COL22A1: variants seen among roughly 807,000 people sequenced by gnomAD.
COL22A1 encodes collagen type XXII alpha 1 chain, also known as collagen alpha-1(XXII) chain.
A neutral mutation model predicts 248.9 loss-of-function variants in COL22A1; 221 were observed. The observed-to-expected ratio is 0.89, with a 90% CI of 0.80 to 0.99. COL22A1 has a LOEUF of 0.99. COL22A1 is among the 50% of genes least tolerant of loss of function. The pLI, the probability that COL22A1 is intolerant of heterozygous loss-of-function variation, is 0.00. For missense variants in COL22A1, 2,240 were observed against 2,179.0 expected (o/e 1.03, Z -0.56); for synonymous variants, 891 against 793.4 (o/e 1.12, Z -2.07).
intron 51 of COL22A1, 60 bp from the exon 52 acceptor site, chr8:138,623,845 G>A (rs371045677): frequency 1.3e-5 from 19 of 1,495,866 alleles, no homozygotes; most frequent in South Asian, 4.9e-5. Context: ...ATGGAAAGAC[G>A]AAGGCAGTTT....
intron 22 of COL22A1, among the ~76,000 whole-genome samples, chr8:138,741,724 A>G (rs571691458): frequency 2.0e-5 from 3 of 152,230 alleles, no homozygotes; most frequent in Non-Finnish European, 4.4e-5. Context: ...CTGGTTTCAA[A>G]ATTCAACCAC....
At chr8:138,600,197 C>A (rs894733379) in intron 60 of COL22A1, among the ~76,000 whole-genome samples, 5 of 152,176 alleles carry the variant, frequency 3.3e-5, no homozygotes, top group Non-Finnish European at 7.3e-5. Flanking sequence ...TGTGTTTGAC[C>A]AGCAAGTTCA....
rs569195834 is a variant in COL22A1 at position 138,824,224 on chromosome 8, G to C, written c.969+2434C>G. Among the ~76,000 whole-genome samples, 15 of 152,244 alleles carry C rather than the reference G, an allele frequency of 9.9e-5. No homozygotes were observed. The South Asian group carries it at 2.3e-3, about 23-fold the overall frequency. ...TGTCCCTGAACCTTCAGAGCTTCCT[G>C]GGGACATGACTTTCCCATGTTTCTG... On this transcript the variant is annotated intron_variant, in intron 6 of 64. Transcript: ENST00000303045.
At chr8:138,909,139 G>T (rs4736053) in intron 1 of COL22A1, among the ~76,000 whole-genome samples, 44,874 of 151,996 alleles carry the variant, frequency 0.3, 7,006 homozygotes, top group African/African-American at 0.41. Context: ...AACGAAGCTT[G>T]TGGCTGTTTT....
intron 15 of COL22A1, among the ~76,000 whole-genome samples, chr8:138,776,302 C>A (rs967459833): frequency 6.6e-6 from 1 of 152,184 alleles, no homozygotes; most frequent in Admixed American, 6.5e-5. Context: ...CATAGCCCGG[C>A]TCCTGAACTC....
At chr8:138,650,584 T>G (rs942335983) in intron 45 of COL22A1, among the ~76,000 whole-genome samples, 3 of 152,038 alleles carry the variant, frequency 2.0e-5, no homozygotes, top group Non-Finnish European at 4.4e-5. Context: ...TCTCTAATCC[T>G]CCCTCTCATC....
chr8:138,864,848 A>G (rs1332630472), intron 3 of COL22A1, among the ~76,000 whole-genome samples: 3 of 152,180 alleles, frequency 2.0e-5, no homozygotes, highest in Non-Finnish European at 4.4e-5. Context: ...ATGTCTTTCT[A>G]TTCCCCAGAT....
chr8:138,751,530 G>A lies in COL22A1; in HGVS notation c.2032-19C>T, dbSNP rs372897594. The stretch of plus-strand genomic sequence containing the variant: ...TTGGACCCTTTAGGAGGGAGAAAAA[G>A]GAAAAAGAGAGAGAAACATAATGGT... On this transcript the variant is annotated intron_variant, in intron 21 of 64. Coordinates refer to ENST00000303045, the MANE Select transcript of COL22A1 (RefSeq NM_152888.3). The A allele has an allele frequency of 1.4e-5, 23 of 1,587,694 alleles. No homozygotes were observed. The highest frequency in any genetic ancestry group is 2.0e-5 in the Non-Finnish European group (23 of 1,162,738).
intron 22 of COL22A1, among the ~76,000 whole-genome samples, chr8:138,747,859 G>GA (rs1442029570): frequency 2.0e-5 from 3 of 152,082 alleles, no homozygotes; most frequent in East Asian, 3.9e-4. Context: ...AGAAAAATAG[G>GA]AAAAAAATTG....
chr8:138,899,841 G>A (rs913991888), intron 1 of COL22A1, among the ~76,000 whole-genome samples: 1 of 152,168 alleles, frequency 6.6e-6, no homozygotes, highest in African/African-American at 2.4e-5. Flanking sequence ...ATGAGCAAAA[G>A]TGGTCTTACC....
At chr8:138,631,355 G>T (rs1402082925) in intron 49 of COL22A1, among the ~76,000 whole-genome samples, 1 of 152,134 alleles carries the variant, frequency 6.6e-6, no homozygotes, top group Admixed American at 6.6e-5. Flanking sequence ...ATGATGTTCA[G>T]AGAATAGCAT....
chr8:138,636,395 G>T lies in COL22A1; in HGVS notation c.3555+347C>A, dbSNP rs1336127279. Among the ~76,000 whole-genome samples the T allele has an allele frequency of 5.3e-5, 8 of 150,194 alleles. No individual in the cohort carries two copies. In the East Asian group the frequency reaches 1.6e-3, roughly 29 times the overall value. On this transcript the variant is annotated intron_variant, in intron 48 of 64. Transcript: ENST00000303045. ...AGTTAATTGAGATGATGGGAGGGAAGAAGGGGGAATTTTTTAATGAGTGTC... is the reference window on the plus strand; with the variant it reads ...AGTTAATTGAGATGATGGGAGGGAATAAGGGGGAATTTTTTAATGAGTGTC...
Position 138,700,101 on chromosome 8 carries a change from C to G in COL22A1, c.2592+11G>C. On this transcript the variant is annotated intron_variant, in intron 32 of 64. Coordinates refer to ENST00000303045, the MANE Select transcript of COL22A1 (RefSeq NM_152888.3). Reference sequence around the variant, plus strand: ...GCACACTGGGCACCCCGAGGCACCGCTACTACTTACGGGCATCCGTGGATG... The same window carrying G: ...GCACACTGGGCACCCCGAGGCACCGGTACTACTTACGGGCATCCGTGGATG... 6.2e-7 allele frequency: 1 copy of G among 1,613,086 alleles called. No individual in the cohort carries two copies. Among genetic ancestry groups the G allele is most frequent in the Middle Eastern group, 1.6e-4 (1 of 6,062 alleles).
intron 31 of COL22A1, among the ~76,000 whole-genome samples, chr8:138,701,414 C>G (rs1318732729): frequency 2.0e-5 from 3 of 152,152 alleles, no homozygotes; most frequent in Non-Finnish European, 4.4e-5. Context: ...TCCTAAACCA[C>G]AATACATTAA....
intron 44 of COL22A1, 66 bp downstream of exon 44, chr8:138,660,370 C>T (rs1823708130): frequency 1.1e-5 from 16 of 1,429,344 alleles, no homozygotes; most frequent in Non-Finnish European, 1.5e-5. Context: ...TTCTGAGTTG[C>T]ATTTTTTCTC....
intron 1 of COL22A1, among the ~76,000 whole-genome samples, chr8:138,905,218 C>A (rs998412512): frequency 3.9e-5 from 6 of 152,194 alleles, no homozygotes; most frequent in Non-Finnish European, 8.8e-5. Flanking sequence ...AAATTCCACT[C>A]AGAAAACTAT....
At chr8:138,691,410 T>C (rs551762564) in intron 35 of COL22A1, among the ~76,000 whole-genome samples, 189 of 151,822 alleles carry the variant, frequency 1.2e-3, no homozygotes, top group African/African-American at 4.0e-3. Flanking sequence ...TATGTGTATG[T>C]GTGCACGTCC....
intron 2 of COL22A1, 142 bp from the exon 3 acceptor site, chr8:138,878,458 G>A (rs1823921641): frequency 1.6e-6 from 1 of 640,920 alleles, no homozygotes; most frequent in Middle Eastern, 3.8e-4. Flanking sequence ...GCCCTGGGCT[G>A]CCTGAAAGGC....
intron 3 of COL22A1, among the ~76,000 whole-genome samples, chr8:138,865,698 TG>T (rs1822822175): frequency 6.6e-6 from 1 of 151,086 alleles, no homozygotes; most frequent in African/African-American, 2.5e-5. Context: ...TGTATATGTT[TG>T]TATGCCTGTG....
Sources: allele counts gnomAD v4.1 joint callset (sites outside exome capture counted in the v4.1 genomes callset), GRCh38; gene constraint gnomAD v4.1.1; transcripts MANE v1.5; gene names NCBI Gene and HGNC (gene_info 2026-07-23, HGNC 2026-07-21).